The following SLC6A16 variants were observed in gnomAD, a reference collection of about 807,000 sequenced individuals.
SLC6A16 encodes solute carrier family 6 member 16.
SLC6A16 carries 54 observed loss-of-function variants against 65.4 expected under a neutral mutation model. The observed-to-expected ratio is 0.83, with a 90% CI of 0.66 to 1.04. The LOEUF (loss-of-function observed/expected upper bound fraction) is 1.04. Among genes scored for constraint, SLC6A16 ranks in the 50% least tolerant of loss-of-function variants. The pLI is 0.00. For missense variants in SLC6A16, 816 were observed against 914.0 expected (o/e 0.89, Z 1.38); for synonymous variants, 330 against 346.5 (o/e 0.95, Z 0.53).
At chr19:49,307,077 G>C (rs1321154007) in intron 7 of SLC6A16, among the ~76,000 whole-genome samples, 1 of 30,010 alleles carries the variant, frequency 3.3e-5, no homozygotes, top group East Asian at 1.4e-3. Flanking sequence ...GTTAGAGGAA[G>C]GGTCTCGCCC....
the SLC6A16 span, chr19:49,339,439 G>A: frequency 6.9e-6 from 11 of 1,604,004 alleles, no homozygotes; most frequent in Non-Finnish European, 8.5e-6. The surrounding 1 kb of genome is among the most constrained non-coding windows in gnomAD (Gnocchi z 4.5). Flanking sequence ...CCCCACCCGC[G>A]ATCGGCCCTA....
chr19:49,310,278 G>A, intron 3 of SLC6A16, 75 bp downstream of exon 3: 3 of 1,603,370 alleles, frequency 1.9e-6, no homozygotes, highest in Non-Finnish European at 2.6e-6. Context: ...GGTATTCACA[G>A]GGCGCATTTC....
chr19:49,309,612 C>T, intron 5 of SLC6A16, 39 bp downstream of exon 5: 1 of 1,576,952 alleles, frequency 6.3e-7, no homozygotes, highest in Non-Finnish European at 8.7e-7. Flanking sequence ...AGGGCTAAAG[C>T]ATCTGAGAAT....
At chr19:49,329,696 G>A (rs1227744012), upstream of SLC6A16, among the ~76,000 whole-genome samples, 2 of 143,116 alleles carry the variant, frequency 1.4e-5, no homozygotes, top group African/African-American at 5.3e-5. Flanking sequence ...GCAGTGGTGC[G>A]ATCTCCACTC....
intron 2 of SLC6A16, 65 bp downstream of exon 2, chr19:49,310,868 A>G: frequency 8.2e-7 from 1 of 1,224,048 alleles, no homozygotes; most frequent in Non-Finnish European, 1.2e-6. Flanking sequence ...TCATGGTTAA[A>G]GCCTGGACAG....
intron 7 of SLC6A16, among the ~76,000 whole-genome samples, chr19:49,304,582 A>G (rs1970347722): frequency 6.6e-6 from 1 of 152,138 alleles, no homozygotes; most frequent in Non-Finnish European, 1.5e-5. Context: ...CCTGACCAAC[A>G]TGGAGAAACC....
intron 7 of SLC6A16, among the ~76,000 whole-genome samples, chr19:49,303,449 C>G (rs1235346341): frequency 6.6e-6 from 1 of 152,072 alleles, no homozygotes; most frequent in Non-Finnish European, 1.5e-5. Flanking sequence ...GAGTTCAAGA[C>G]CAGCCTGGCC....
the SLC6A16 span, chr19:49,338,874 G>A: frequency 6.2e-7 from 1 of 1,614,124 alleles, no homozygotes; most frequent in Non-Finnish European, 8.5e-7. This position sits in a 1 kb window ranked among gnomAD's most constrained non-coding sequence, Gnocchi z 5.0. Context: ...TGGACACCTG[G>A]CGCGGTCCAG....
chr19:49,339,894 G>C, the SLC6A16 span: 1 of 1,345,352 alleles, frequency 7.4e-7, no homozygotes, highest in Non-Finnish European at 9.6e-7. The surrounding 1 kb of genome is among the most constrained non-coding windows in gnomAD (Gnocchi z 4.5). Context: ...GGCCGCTGTG[G>C]GTTCAAGACG....
At position 49,321,319 on chromosome 19, in the gene SLC6A16, TAAAA is replaced by T. The variant is rs55808015; in HGVS notation, c.-65+3725_-65+3728del. On this transcript the variant is annotated intron_variant, in intron 1 of 11. Transcript: ENST00000335875. Reference sequence around the variant, plus strand: ...GACAAAACTCAATACCCTTTCATGATAAAAAAAAAAAAAAAAACTCAACAATCTA... The same window carrying T: ...GACAAAACTCAATACCCTTTCATGATAAAAAAAAAAAAACTCAACAATCTA... 5.6e-3 allele frequency among the ~76,000 whole-genome samples: 813 copies of T among 144,458 alleles called. 4 individuals carry two copies. The highest frequency in any genetic ancestry group is 9.0e-3 in the Non-Finnish European group (584 of 65,202). The allele number at this position is 144,458 out of a possible 152,430, so 94.8% of individuals were successfully genotyped here. A position where few individuals can be genotyped will look rare whatever the true frequency, so the allele number is the denominator to read the frequency against.
the SLC6A16 span, chr19:49,336,807 CA>C: frequency 1.6e-6 from 2 of 1,241,104 alleles, no homozygotes; most frequent in Non-Finnish European, 2.3e-6. Context: ...GAGAGAGGGG[CA>C]CCAAGATACT....
At chr19:49,335,455 T>C in the SLC6A16 span, 3 of 974,892 alleles carry the variant, frequency 3.1e-6, no homozygotes, top group South Asian at 1.3e-5. This position sits in a 1 kb window ranked among gnomAD's most constrained non-coding sequence, Gnocchi z 4.6. Context: ...TCTCTTTCTC[T>C]CTCAGCCTCT....
At chr19:49,330,428 C>T in the SLC6A16 span, among the ~76,000 whole-genome samples, 2 of 151,966 alleles carry the variant, frequency 1.3e-5, no homozygotes, top group Non-Finnish European at 2.9e-5. Context: ...GATATCATCT[C>T]GTGAGTGAGT....
At chr19:49,336,601 G>A in the SLC6A16 span, 1 of 301,406 alleles carries the variant, frequency 3.3e-6, no homozygotes. Context: ...TATGCCTCAG[G>A]GAGGTTTAAG....
chr19:49,316,085 G>A (rs1970609283), intron 1 of SLC6A16, among the ~76,000 whole-genome samples: 2 of 151,992 alleles, frequency 1.3e-5, no homozygotes, highest in Admixed American at 6.6e-5. Context: ...CAAGATTGTT[G>A]GATGCAAACA....
At chr19:49,304,253 G>T (rs1180834240) in intron 7 of SLC6A16, among the ~76,000 whole-genome samples, 1 of 152,126 alleles carries the variant, frequency 6.6e-6, no homozygotes, top group Non-Finnish European at 1.5e-5. Flanking sequence ...TAAAGAGAGG[G>T]TTCTCACACT....
chr19:49,338,118 C>T, the SLC6A16 span: 2 of 1,529,826 alleles, frequency 1.3e-6, no homozygotes, highest in Admixed American at 2.1e-5. This position sits in a 1 kb window ranked among gnomAD's most constrained non-coding sequence, Gnocchi z 5.0. Flanking sequence ...GGCCCGACCC[C>T]CAGCTCTACG....
chr19:49,293,485 C>A, intron 9 of SLC6A16, 103 bp from the exon 10 acceptor site: 1 of 1,131,984 alleles, frequency 8.8e-7, no homozygotes. Flanking sequence ...CCAGTGGTAG[C>A]CGGGCGAGGG....
chr19:49,289,926 A>C lies in SLC6A16; in HGVS notation c.*197T>G, dbSNP rs1240384090. 1.7e-6 allele frequency: 1 copy of C among 598,750 alleles called. No individual in the cohort carries two copies. Among genetic ancestry groups the C allele is most frequent in the Non-Finnish European group, 3.0e-6 (1 of 338,300 alleles). The allele number at this position is 598,750 out of a possible 1,614,324, so 37.1% of individuals were successfully genotyped here. ...GAGGAAGAGGATGGGGAAAACAATG[A>C]TGGTGGTCACCAGGTAAGATGGGAC... On this transcript the variant is annotated 3_prime_UTR_variant, in exon 12 of 12. Transcript: ENST00000335875.
Sources: allele counts gnomAD v4.1 joint callset (sites outside exome capture counted in the v4.1 genomes callset), GRCh38; gene constraint gnomAD v4.1.1; non-coding constraint Gnocchi (gnomAD v3.1); transcripts MANE v1.5; gene names NCBI Gene and HGNC (gene_info 2026-07-23, HGNC 2026-07-21).